The following COL5A2 variants were observed in gnomAD, a reference collection of about 807,000 sequenced individuals.
The protein encoded by COL5A2 is collagen alpha-2(V) chain.
A neutral mutation model predicts 208.2 loss-of-function variants in COL5A2; 23 were observed. The ratio of observed to expected loss-of-function variants is 0.11; its 90% CI spans 0.08 to 0.16. The LOEUF (loss-of-function observed/expected upper bound fraction) is 0.16. COL5A2 is among the 10% of genes least tolerant of loss of function. The pLI, the probability that COL5A2 is intolerant of heterozygous loss-of-function variation, is 1.00. For synonymous variants in COL5A2, 625 were observed against 628.5 expected, an observed-to-expected ratio of 0.99 and a Z score of 0.08; for missense variants, 1,590 against 1,956.4, an observed-to-expected ratio of 0.81 and a Z score of 3.53.
the COL5A2 span, among the ~76,000 whole-genome samples, chr2:189,249,355 T>C: frequency 3.3e-5 from 5 of 152,150 alleles, no homozygotes; most frequent in African/African-American, 7.2e-5. Flanking sequence ...GTTTACAGTG[T>C]ATGTTATGGC....
At chr2:189,393,418 T>A in the COL5A2 span, among the ~76,000 whole-genome samples, 3 of 152,196 alleles carry the variant, frequency 2.0e-5, no homozygotes, top group Non-Finnish European at 4.4e-5. Context: ...ATTCTTTTTT[T>A]AATATGTTTT....
intron 7 of COL5A2, 81 bp downstream of exon 7, chr2:189,092,229 G>T: frequency 1.1e-6 from 1 of 918,596 alleles, no homozygotes. Context: ...TATCTGAACA[G>T]ACACAATTTA....
chr2:189,254,928 C>G, the COL5A2 span, among the ~76,000 whole-genome samples: 1 of 152,184 alleles, frequency 6.6e-6, no homozygotes, highest in Non-Finnish European at 1.5e-5. Flanking sequence ...TATCTTATAA[C>G]CTCTATTCTG....
the COL5A2 span, among the ~76,000 whole-genome samples, chr2:189,307,677 C>T: frequency 6.6e-6 from 1 of 152,144 alleles, no homozygotes; most frequent in Non-Finnish European, 1.5e-5. Context: ...TAGATGCTTA[C>T]AGTTAAGGGA....
chr2:189,357,012 T>C, the COL5A2 span, among the ~76,000 whole-genome samples: 2 of 152,132 alleles, frequency 1.3e-5, no homozygotes, highest in African/African-American at 2.4e-5. Context: ...TCTGCTGGAG[T>C]GTGCTGGAGG....
At chr2:189,345,030 G>A in the COL5A2 span, among the ~76,000 whole-genome samples, 1 of 152,198 alleles carries the variant, frequency 6.6e-6, no homozygotes, top group African/African-American at 2.4e-5. Context: ...CTTTATGCAT[G>A]TGCTGCAAAA....
the COL5A2 span, among the ~76,000 whole-genome samples, chr2:189,254,535 G>A: frequency 6.6e-6 from 1 of 152,230 alleles, no homozygotes; most frequent in Non-Finnish European, 1.5e-5. Flanking sequence ...GAGTGGGAAA[G>A]AGGGAAACCT....
chr2:189,437,038 A>C, the COL5A2 span, among the ~76,000 whole-genome samples: 2 of 152,206 alleles, frequency 1.3e-5, no homozygotes, highest in East Asian at 3.9e-4. Flanking sequence ...AAAAAGAGAG[A>C]GAGAAAGTCT....
chr2:189,381,295 G>A, the COL5A2 span, among the ~76,000 whole-genome samples: 3 of 151,844 alleles, frequency 2.0e-5, no homozygotes, highest in South Asian at 6.2e-4. Flanking sequence ...TCTATCAGAA[G>A]CTTAAAAAAA....
Position 189,068,228 on chromosome 2 carries a change from T to C in COL5A2, c.1300A>G (p.Thr434Ala). 1.2e-6 allele frequency: 2 copies of C among 1,613,904 alleles called. No homozygotes were observed. The highest frequency in any genetic ancestry group is 1.7e-6 in the Non-Finnish European group (2 of 1,179,774). Residue 434 changes from threonine to alanine, a missense_variant and splice_region_variant, in exon 20 of 54, where the codon ACG becomes GCG. Thr to Ala is a moderately conservative substitution (Grantham distance 58, BLOSUM62 0). Transcript: ENST00000374866. Reference protein sequence around the residue: ...TDGTPGAKGPTGSPGTSGPPG... With the variant: ...TDGTPGAKGPAGSPGTSGPPG... ...CATGCCATAAATGCAGTACTCACCGTTGGGCCTTTGGCACCAGGAGTACCA... is the reference window on the plus strand; with the variant it reads ...CATGCCATAAATGCAGTACTCACCGCTGGGCCTTTGGCACCAGGAGTACCA...
Position 189,045,164 on chromosome 2 carries a change from A to C in COL5A2, c.3363+15T>G. 2.5e-6 allele frequency: 4 copies of C among 1,592,382 alleles called. No homozygotes were observed. Among genetic ancestry groups the C allele is most frequent in the Non-Finnish European group, 3.4e-6 (4 of 1,169,162 alleles). ...TAAGAAAACATTTTTTAAAAAACAA[A>C]AAAAGAGAACTTACAGGTAATCCAC... On this transcript the variant is annotated intron_variant, in intron 47 of 53. Transcript: ENST00000374866.
chr2:189,124,577 C>T (rs1515869), intron 1 of COL5A2, among the ~76,000 whole-genome samples: 117,300 of 152,046 alleles, frequency 0.77, 48,556 homozygotes, highest in South Asian at 0.91. Flanking sequence ...AAAAAAGTCA[C>T]TGAGGAAAAA....
chr2:189,426,698 C>G, the COL5A2 span, among the ~76,000 whole-genome samples: 2 of 152,210 alleles, frequency 1.3e-5, no homozygotes, highest in Non-Finnish European at 2.9e-5. Flanking sequence ...AAGGTCACTT[C>G]CGCTATGCTT....
rs1206225936 is a variant in COL5A2 at position 189,065,037 on chromosome 2, A to C, written c.1584T>G (p.Gly528=). Residue 528 remains glycine (G), a synonymous_variant, in exon 24 of 54, where the codon GGT becomes GGG. Coordinates refer to ENST00000374866, the MANE Select transcript of COL5A2 (RefSeq NM_000393.5). ...VGERGAPGNR[G]FPGSDGLPGP... is the part of the protein sequence containing the mutation. ...CAGGTAAACCATCAGAGCCTGGAAA[A>C]CCACGATTGCCAGGAGCACCCTACA... is the stretch of plus-strand genomic sequence containing the variant. 6.2e-7 allele frequency: 1 copy of C among 1,613,856 alleles called. No individual in the cohort carries two copies. Among genetic ancestry groups the C allele is most frequent in the Non-Finnish European group, 8.5e-7 (1 of 1,179,930 alleles).
At chr2:189,259,046 ACTT>A in the COL5A2 span, among the ~76,000 whole-genome samples, 4 of 152,262 alleles carry the variant, frequency 2.6e-5, no homozygotes, top group East Asian at 5.8e-4. Context: ...TTAATCTTGT[ACTT>A]CTTCTTCCCA....
intron 47 of COL5A2, 110 bp from the exon 48 acceptor site, chr2:189,043,368 G>T: frequency 1.4e-6 from 1 of 707,188 alleles, no homozygotes; most frequent in Middle Eastern, 3.8e-4. Flanking sequence ...TTTGAACTTG[G>T]TATTTTATAT....
At chr2:189,341,671 C>T in the COL5A2 span, among the ~76,000 whole-genome samples, 1 of 152,110 alleles carries the variant, frequency 6.6e-6, no homozygotes, top group Non-Finnish European at 1.5e-5. Flanking sequence ...GTGACATTCA[C>T]CACTAGAATC....
the COL5A2 span, among the ~76,000 whole-genome samples, chr2:189,285,832 T>C: frequency 2.0e-5 from 3 of 152,204 alleles, no homozygotes; most frequent in African/African-American, 7.2e-5. Flanking sequence ...CATTTTTATC[T>C]CTTATTAATT....
chr2:189,106,543 A>G (rs1253395843), intron 2 of COL5A2, among the ~76,000 whole-genome samples: 1 of 151,174 alleles, frequency 6.6e-6, no homozygotes, highest in Non-Finnish European at 1.5e-5. Context: ...ATTTTCTGCA[A>G]ATGGATAGTT....
Sources: gnomAD v4.1 joint callset for allele counts (sites outside exome capture counted in the v4.1 genomes callset) on GRCh38, gnomAD v4.1.1 for gene constraint, MANE v1.5 for transcripts, NCBI Gene and HGNC (gene_info 2026-07-23, HGNC 2026-07-21) for gene names.